SRBD1: variants seen among roughly 807,000 people sequenced by gnomAD.
The protein encoded by SRBD1 is S1 RNA binding domain 1.
In SRBD1, 88 loss-of-function variants were observed where a neutral mutation model predicts 115.3. The observed-to-expected ratio is 0.76, with a 90% CI of 0.64 to 0.91. SRBD1 has a LOEUF of 0.91. Ranked by LOEUF, SRBD1 falls within the 40% of genes least tolerant of loss-of-function variation. SRBD1 has a pLI of 0.00. For synonymous variants in SRBD1, 509 were observed against 407.7 expected (o/e 1.25, Z -2.99); for missense variants, 1,385 against 1,177.4 (o/e 1.18, Z -2.58).
intron 9 of SRBD1, among the ~76,000 whole-genome samples, chr2:45,571,036 C>G (rs1362933455): frequency 6.6e-6 from 1 of 152,034 alleles, no homozygotes; most frequent in Non-Finnish European, 1.5e-5. Flanking sequence ...GGAAAAGGGG[C>G]TTTTTAAAAT....
At chr2:45,578,495 G>A (rs1305294681) in intron 7 of SRBD1, among the ~76,000 whole-genome samples, 3 of 152,064 alleles carry the variant, frequency 2.0e-5, no homozygotes, top group Non-Finnish European at 4.4e-5. Context: ...ACAGATATTT[G>A]GATTTTACAG....
intron 4 of SRBD1, among the ~76,000 whole-genome samples, chr2:45,597,798 C>A (rs555389312): frequency 6.6e-6 from 1 of 152,232 alleles, no homozygotes; most frequent in Admixed American, 6.5e-5. Context: ...AACCTAGAGA[C>A]AAAAGGTTAA....
intron 5 of SRBD1, among the ~76,000 whole-genome samples, chr2:45,583,702 T>C (rs538661232): frequency 6.6e-6 from 1 of 152,270 alleles, no homozygotes; most frequent in Admixed American, 6.5e-5. Context: ...TGAAAATCAA[T>C]GCTCTAGTTA....
At chr2:45,422,149 C>T (rs3770246) in intron 16 of SRBD1, among the ~76,000 whole-genome samples, 25,089 of 152,058 alleles carry the variant, frequency 0.16, 2,697 homozygotes, top group African/African-American at 0.29. Flanking sequence ...GAAGAATAAT[C>T]GTTAAGAGCC....
Position 45,601,926 on chromosome 2 carries a change from C to A in SRBD1, c.238G>T (p.Val80Phe). ...ACCAGCTCCTCCTTAACAACAACGA[C>A]TTCTGAGCCATCACTGATCTGTGGG... is the stretch of plus-strand genomic sequence containing the variant. ...NAPQISDGSE[V>F]VVVKEELNSS... Residue 80 changes from valine to phenylalanine, a missense_variant, in exon 3 of 21, where the codon GTC becomes TTC. By Grantham distance (50) the Val-to-Phe change is conservative. Coordinates refer to ENST00000263736, the MANE Select transcript of SRBD1 (RefSeq NM_018079.5). 3 of 1,614,180 alleles carry A rather than the reference C, an allele frequency of 1.9e-6. No homozygotes were observed. Among genetic ancestry groups the A allele is most frequent in the Non-Finnish European group, 2.5e-6 (3 of 1,180,012 alleles).
At chr2:45,510,113 T>A (rs147524675) in intron 14 of SRBD1, among the ~76,000 whole-genome samples, 234 of 152,338 alleles carry the variant, frequency 1.5e-3, no homozygotes, top group Non-Finnish European at 2.4e-3. Context: ...AAACACAGAT[T>A]TCTAAGATAA....
At chr2:45,581,499 T>C (rs1673361771) in intron 6 of SRBD1, among the ~76,000 whole-genome samples, 194 bp downstream of exon 6, 1 of 152,050 alleles carries the variant, frequency 6.6e-6, no homozygotes, top group Admixed American at 6.5e-5. Context: ...TTTATTCATC[T>C]TTGTAAACCC....
At chr2:45,398,504 C>T (rs1356545775) in intron 19 of SRBD1, among the ~76,000 whole-genome samples, 1 of 152,114 alleles carries the variant, frequency 6.6e-6, no homozygotes, top group East Asian at 1.9e-4. Context: ...ATGTTTCCTG[C>T]TTTTTCAAAG....
rs745424095 is a variant in SRBD1, at chr2:45,599,470, T to C, written c.627A>G (p.Glu209=). The C allele has an allele frequency of 2.5e-6, 4 of 1,613,984 alleles. No homozygotes were observed. In the South Asian group the frequency reaches 4.4e-5, roughly 18 times the overall value. Residue 209 remains glutamate (E), a synonymous_variant, in exon 4 of 21, where the codon GAA becomes GAG. Transcript: ENST00000263736. ...ATACCTGTACCATGTCCCAATTCAT[T>C]TCCACCTCCTCTTTAGTACTATTGG... ...ANANSTKEEV[E]MNWDMVQVLS...
intron 14 of SRBD1, among the ~76,000 whole-genome samples, chr2:45,493,539 G>C (rs563401313): frequency 6.6e-6 from 1 of 152,122 alleles, no homozygotes; most frequent in African/African-American, 2.4e-5. Flanking sequence ...GGCCAGGCAC[G>C]GTGGCACACA....
chr2:45,469,450 T>C (rs530619369), intron 16 of SRBD1, among the ~76,000 whole-genome samples: 2 of 152,160 alleles, frequency 1.3e-5, no homozygotes, highest in Non-Finnish European at 2.9e-5. Flanking sequence ...AAATTAGATA[T>C]GTCATTTTAA....
chr2:45,407,733 A>G (rs1163024737), intron 19 of SRBD1, among the ~76,000 whole-genome samples: 3 of 152,194 alleles, frequency 2.0e-5, no homozygotes, highest in Non-Finnish European at 4.4e-5. Flanking sequence ...AAAAAGTTTT[A>G]GTTCATAACA....
chr2:45,521,134 C>T (rs575373412), intron 14 of SRBD1, among the ~76,000 whole-genome samples: 3 of 152,198 alleles, frequency 2.0e-5, no homozygotes, highest in Non-Finnish European at 4.4e-5. Flanking sequence ...ACACCCCTGT[C>T]GCACGTCCTG....
chr2:45,531,562 A>T (rs1312329587), intron 14 of SRBD1, among the ~76,000 whole-genome samples: 2 of 151,810 alleles, frequency 1.3e-5, no homozygotes, highest in African/African-American at 2.4e-5. Context: ...ATAGGAATAG[A>T]TCCAAAGACA....
At chr2:45,546,645 T>C in intron 14 of SRBD1, 87 bp downstream of exon 14, 3 of 1,310,922 alleles carry the variant, frequency 2.3e-6, no homozygotes, top group South Asian at 1.2e-5. Flanking sequence ...GATGTACATC[T>C]TAAAAAGAGA....
intron 20 of SRBD1, among the ~76,000 whole-genome samples, chr2:45,391,855 C>T (rs943511325): frequency 6.6e-6 from 1 of 152,114 alleles, no homozygotes; most frequent in African/African-American, 2.4e-5. Context: ...GTACAGGATA[C>T]CTGCAGTTAC....
At chr2:45,556,448 CTTTTTTTTTT>C (rs59284495) in intron 10 of SRBD1, among the ~76,000 whole-genome samples, 2 of 78,824 alleles carry the variant, frequency 2.5e-5, no homozygotes, top group Non-Finnish European at 4.5e-5. Flanking sequence ...TGCTCTATTA[CTTTTTTTTTT>C]TTTTTTTTTT....
chr2:45,393,530 G>A (rs797003501), intron 19 of SRBD1, among the ~76,000 whole-genome samples: 10 of 152,108 alleles, frequency 6.6e-5, no homozygotes, highest in African/African-American at 1.9e-4. Flanking sequence ...ACAGGCACCC[G>A]CCACCACGCC....
chr2:45,556,252 C>G (rs1011723427), intron 10 of SRBD1, among the ~76,000 whole-genome samples: 5 of 151,906 alleles, frequency 3.3e-5, no homozygotes, highest in Admixed American at 2.6e-4. Context: ...TTTCTCTACT[C>G]CATTGAAAAA....
Sources: allele counts gnomAD v4.1 joint callset (sites outside exome capture counted in the v4.1 genomes callset), GRCh38; gene constraint gnomAD v4.1.1; transcripts MANE v1.5; gene names NCBI Gene and HGNC (gene_info 2026-07-23, HGNC 2026-07-21).